The following LRRC69 variants were observed in gnomAD, a reference collection of about 807,000 sequenced individuals.
LRRC69 encodes leucine-rich repeat-containing protein 69.
Under a neutral mutation model 37.8 loss-of-function variants are expected in LRRC69, and 42 were observed. That is an observed-to-expected ratio of 1.11 (90% CI 0.87 to 1.44). The LOEUF (loss-of-function observed/expected upper bound fraction) is 1.44. LRRC69 is among the 40% of genes most tolerant of loss of function. The pLI is 0.00. For synonymous variants in LRRC69, 141 were observed against 143.1 expected, an observed-to-expected ratio of 0.99 and a Z score of 0.11; for missense variants, 357 against 401.9, an observed-to-expected ratio of 0.89 and a Z score of 0.96.
intron 5 of LRRC69, among the ~76,000 whole-genome samples, chr8:91,150,295 G>A (rs1457278363): frequency 8.6e-5 from 13 of 151,956 alleles, no homozygotes; most frequent in South Asian, 2.1e-4. Flanking sequence ...TTAGCATGAA[G>A]CGTTGTTGAA....
intron 1 of LRRC69, among the ~76,000 whole-genome samples, chr8:91,123,112 G>C (rs902632509): frequency 6.6e-6 from 1 of 152,074 alleles, no homozygotes; most frequent in Non-Finnish European, 1.5e-5. Context: ...CTGAAAGTTA[G>C]GAAAGGCAGG....
At chr8:91,112,812 G>A (rs773763142) in intron 1 of LRRC69, among the ~76,000 whole-genome samples, 4 of 151,976 alleles carry the variant, frequency 2.6e-5, no homozygotes, top group Non-Finnish European at 4.4e-5. Context: ...ACATGATCAT[G>A]TACATAGAAA....
chr8:91,130,678 T>C (rs1460797431), intron 3 of LRRC69: 2 of 152,110 alleles, frequency 1.3e-5, no homozygotes, highest in South Asian at 2.1e-4. Context: ...TTTAGGGCTA[T>C]TATGAATTAA....
chr8:91,189,448 T>C (rs772659831), intron 5 of LRRC69, 74 bp from the exon 6 acceptor site: 12 of 980,004 alleles, frequency 1.2e-5, no homozygotes, highest in Non-Finnish European at 1.7e-5. Flanking sequence ...TCAGTTTAAT[T>C]TTATTAAAAA....
At chr8:91,147,051 G>A (rs4360257) in intron 5 of LRRC69, among the ~76,000 whole-genome samples, 101,942 of 151,058 alleles carry the variant, frequency 0.67, 34,875 homozygotes, top group Middle Eastern at 0.74. Flanking sequence ...CTATTTCTTT[G>A]TGTTCTCCAG....
intron 1 of LRRC69, among the ~76,000 whole-genome samples, chr8:91,113,884 G>T (rs1813455986): frequency 7.5e-6 from 1 of 133,164 alleles, no homozygotes; most frequent in African/African-American, 2.9e-5. Flanking sequence ...CAAATAACCT[G>T]ATTTAAAAAT....
intron 1 of LRRC69, among the ~76,000 whole-genome samples, chr8:91,122,678 A>G (rs1813650056): frequency 6.6e-6 from 1 of 152,116 alleles, no homozygotes; most frequent in Non-Finnish European, 1.5e-5. Flanking sequence ...ATTCTTGCGT[A>G]TCTCGCCAGT....
At chr8:91,192,366 T>C (rs1479411348) in intron 6 of LRRC69, among the ~76,000 whole-genome samples, 3 of 152,058 alleles carry the variant, frequency 2.0e-5, no homozygotes, top group African/African-American at 7.2e-5. Context: ...TACTCAGTAA[T>C]GGGATGGCTG....
chr8:91,122,625 T>A (rs755264342), intron 1 of LRRC69, among the ~76,000 whole-genome samples: 3 of 152,076 alleles, frequency 2.0e-5, no homozygotes, highest in African/African-American at 4.8e-5. Context: ...CTTGTTAGCT[T>A]GTAAACTGGG....
At chr8:91,142,049 T>C (rs1340588359) in intron 5 of LRRC69, among the ~76,000 whole-genome samples, 1 of 152,076 alleles carries the variant, frequency 6.6e-6, no homozygotes, top group Non-Finnish European at 1.5e-5. Flanking sequence ...TGAAATTTTA[T>C]ATTTCCTTTG....
At chr8:91,200,579 A>G (rs1355575035) in intron 6 of LRRC69, 34 bp from the exon 7 acceptor site, 1 of 1,320,616 alleles carries the variant, frequency 7.6e-7, no homozygotes, top group Non-Finnish European at 1.0e-6. Context: ...TTTTGAAAAC[A>G]ATCTGAGGAA....
intron 5 of LRRC69, among the ~76,000 whole-genome samples, chr8:91,184,763 G>C (rs1809377368): frequency 1.3e-5 from 2 of 152,186 alleles, no homozygotes; most frequent in African/African-American, 4.8e-5. Flanking sequence ...ATTGTTCCAA[G>C]AAGAGGGAAA....
chr8:91,104,009 C>T (rs141903288), intron 1 of LRRC69, among the ~76,000 whole-genome samples: 19 of 152,020 alleles, frequency 1.2e-4, no homozygotes, highest in African/African-American at 4.1e-4. Context: ...TCCTCAATCC[C>T]GATCTCCATA....
chr8:91,205,770 A>C (rs968564459), intron 7 of LRRC69, among the ~76,000 whole-genome samples: 1 of 152,138 alleles, frequency 6.6e-6, no homozygotes, highest in Non-Finnish European at 1.5e-5. Context: ...ACAAAAAAAT[A>C]AAAGTGGAAG....
At chr8:91,212,144 A>G (rs969442598) in intron 7 of LRRC69, among the ~76,000 whole-genome samples, 2 of 152,174 alleles carry the variant, frequency 1.3e-5, no homozygotes, top group Admixed American at 6.5e-5. Context: ...AATATTAGCT[A>G]CTAATGATAT....
In LRRC69 at chr8:91,158,144, C is replaced by T. The variant is rs764088100; in HGVS notation, c.651+22405C>T. On this transcript the variant is annotated intron_variant, in intron 5 of 7. Transcript: ENST00000448384. ...ATTACCAGGTGAAACTCTCACTTAC[C>T]TATGGAAAATCCCAGAAAGATCTGG... 6 of 1,601,366 alleles carry T rather than the reference C, an allele frequency of 3.7e-6. No homozygotes were observed. The South Asian group carries it at 6.6e-5, about 18-fold the overall frequency.
intron 6 of LRRC69, among the ~76,000 whole-genome samples, chr8:91,191,790 G>A (rs568307557): frequency 6.6e-6 from 1 of 152,226 alleles, no homozygotes; most frequent in East Asian, 1.9e-4. Flanking sequence ...GAATGAGAGA[G>A]AAATTGTTCT....
At chr8:91,198,095 T>C (rs1465946942) in intron 6 of LRRC69, among the ~76,000 whole-genome samples, 1 of 152,182 alleles carries the variant, frequency 6.6e-6, no homozygotes, top group Non-Finnish European at 1.5e-5. Flanking sequence ...ATGATATGGG[T>C]TATGCCTTGG....
intron 5 of LRRC69, among the ~76,000 whole-genome samples, chr8:91,147,366 C>G (rs1212464858): frequency 1.3e-5 from 2 of 149,778 alleles, no homozygotes; most frequent in African/African-American, 4.9e-5. Context: ...CTTTTTATAT[C>G]CTTATATTTT....
Sources: allele counts gnomAD v4.1 joint callset (sites outside exome capture counted in the v4.1 genomes callset), GRCh38; gene constraint gnomAD v4.1.1; transcripts MANE v1.5; gene names NCBI Gene and HGNC (gene_info 2026-07-23, HGNC 2026-07-21).